GRID2: variants seen among roughly 807,000 people sequenced by gnomAD.
The protein encoded by GRID2 is glutamate ionotropic receptor delta type subunit 2.
In GRID2, 33 loss-of-function variants were observed where a neutral mutation model predicts 114.8. That is an observed-to-expected ratio of 0.29 (90% CI 0.22 to 0.38). The LOEUF (loss-of-function observed/expected upper bound fraction) is 0.38, where lower values mean the gene tolerates loss of function less well. Among genes scored for constraint, GRID2 ranks in the 10% least tolerant of loss-of-function variants. GRID2 has a pLI of 1.00. For synonymous variants in GRID2, 505 were observed against 449.9 expected, an observed-to-expected ratio of 1.12 and a Z score of -1.55; for missense variants, 1,184 against 1,257.7, an observed-to-expected ratio of 0.94 and a Z score of 0.89.
intron 1 of GRID2, among the ~76,000 whole-genome samples, chr4:92,319,131 G>C (rs571947156): frequency 1.3e-5 from 2 of 152,142 alleles, no homozygotes; most frequent in African/African-American, 4.8e-5. Context: ...AAGAAAATAT[G>C]AACAATTATT....
At chr4:93,069,361 T>C (rs547292877) in intron 2 of GRID2, among the ~76,000 whole-genome samples, 4 of 151,904 alleles carry the variant, frequency 2.6e-5, no homozygotes, top group Non-Finnish European at 5.9e-5. Context: ...AAAGCATTTC[T>C]CTGAAAAATC....
At chr4:92,995,770 G>A (rs1755160484) in intron 2 of GRID2, among the ~76,000 whole-genome samples, 1 of 152,010 alleles carries the variant, frequency 6.6e-6, no homozygotes, top group Non-Finnish European at 1.5e-5. Context: ...AACAATTATA[G>A]CATTTTCTCT....
chr4:92,638,521 G>T (rs904876946), intron 2 of GRID2, among the ~76,000 whole-genome samples: 1 of 147,994 alleles, frequency 6.8e-6, no homozygotes, highest in African/African-American at 2.5e-5. Flanking sequence ...TTAACAGTAG[G>T]TAAATGTTAG....
intron 1 of GRID2, among the ~76,000 whole-genome samples, chr4:92,356,804 T>C (rs1306505447): frequency 6.6e-6 from 1 of 151,782 alleles, no homozygotes; most frequent in Non-Finnish European, 1.5e-5. Context: ...GATTGAAATT[T>C]TACAAAAAGC....
chr4:92,961,568 CTT>C (rs1752815753), intron 2 of GRID2, among the ~76,000 whole-genome samples: 1 of 150,622 alleles, frequency 6.6e-6, no homozygotes, highest in African/African-American at 2.4e-5. Context: ...TGCTTTTTTT[CTT>C]TCTCTCTAGT....
At chr4:92,367,330 A>C (rs1019286666) in intron 1 of GRID2, among the ~76,000 whole-genome samples, 1 of 152,128 alleles carries the variant, frequency 6.6e-6, no homozygotes, top group Non-Finnish European at 1.5e-5. Flanking sequence ...ATGTACATCA[A>C]TAAAATTGCA....
At chr4:93,422,043 T>C (rs1334242226) in intron 9 of GRID2, among the ~76,000 whole-genome samples, 3 of 152,168 alleles carry the variant, frequency 2.0e-5, no homozygotes, top group Non-Finnish European at 4.4e-5. Context: ...ATGTTTCAAA[T>C]CAATCGAGCT....
chr4:93,413,611 T>C (rs1465241715), intron 9 of GRID2, among the ~76,000 whole-genome samples: 1 of 152,188 alleles, frequency 6.6e-6, no homozygotes, highest in Non-Finnish European at 1.5e-5. Flanking sequence ...AAATAGTTCT[T>C]GTTATTTTAA....
At chr4:93,488,091 C>T (rs1726592716) in intron 11 of GRID2, among the ~76,000 whole-genome samples, 2 of 151,868 alleles carry the variant, frequency 1.3e-5, no homozygotes, top group Admixed American at 1.3e-4. Context: ...AATGAATGCC[C>T]AATTAGCATT....
chr4:92,627,406 G>A (rs1730576159), intron 2 of GRID2, among the ~76,000 whole-genome samples: 1 of 152,036 alleles, frequency 6.6e-6, no homozygotes, highest in Admixed American at 6.6e-5. Context: ...AACTTAAAAT[G>A]TAGGTGTATA....
chr4:93,202,991 G>A (rs1742276907), intron 4 of GRID2, among the ~76,000 whole-genome samples: 1 of 152,030 alleles, frequency 6.6e-6, no homozygotes, highest in Admixed American at 6.6e-5. Flanking sequence ...GTGTATGTGT[G>A]TGTATAATAC....
intron 13 of GRID2, among the ~76,000 whole-genome samples, chr4:93,562,803 T>C (rs1436929594): frequency 1.3e-5 from 2 of 152,116 alleles, no homozygotes; most frequent in African/African-American, 4.8e-5. Context: ...TTTTCTCTAT[T>C]GTATTGCCTT....
At chr4:92,720,157 A>G (rs1735741498) in intron 2 of GRID2, among the ~76,000 whole-genome samples, 1 of 152,072 alleles carries the variant, frequency 6.6e-6, no homozygotes, top group Admixed American at 6.6e-5. Context: ...ATTTTACTGT[A>G]CATTAATTTT....
At chr4:92,875,811 G>A (rs1745586957) in intron 2 of GRID2, among the ~76,000 whole-genome samples, 1 of 152,044 alleles carries the variant, frequency 6.6e-6, no homozygotes, top group Non-Finnish European at 1.5e-5. Context: ...TATCTACCTA[G>A]AATAAATAAA....
chr4:93,214,452 A>G (rs1399463666), intron 5 of GRID2, among the ~76,000 whole-genome samples: 1 of 152,054 alleles, frequency 6.6e-6, no homozygotes, highest in African/African-American at 2.4e-5. Context: ...CCGTAAATAT[A>G]AAATAGCTGC....
At chr4:92,676,266 G>A (rs1299092406) in intron 2 of GRID2, among the ~76,000 whole-genome samples, 6 of 139,774 alleles carry the variant, frequency 4.3e-5, no homozygotes, top group Non-Finnish European at 6.1e-5. Flanking sequence ...CTGCAAGTCC[G>A]CCTCCCGGGT....
At chr4:93,649,166 A>G (rs575280221) in intron 14 of GRID2, among the ~76,000 whole-genome samples, 1 of 152,280 alleles carries the variant, frequency 6.6e-6, no homozygotes, top group East Asian at 1.9e-4. Context: ...ACCATATCAC[A>G]TAATTTTTAA....
At chr4:93,415,089 A>C (rs1767575394) in intron 9 of GRID2, among the ~76,000 whole-genome samples, 1 of 152,162 alleles carries the variant, frequency 6.6e-6, no homozygotes, top group Non-Finnish European at 1.5e-5. Context: ...ATATTTTAAC[A>C]GAAATATGAT....
chr4:92,962,352 C>G (rs1307849639), intron 2 of GRID2, among the ~76,000 whole-genome samples: 2 of 151,738 alleles, frequency 1.3e-5, no homozygotes, highest in Admixed American at 6.6e-5. Context: ...GATTGAGACT[C>G]GGTCTTTTAG....
Sources: allele counts gnomAD v4.1 joint callset (sites outside exome capture counted in the v4.1 genomes callset), GRCh38; gene constraint gnomAD v4.1.1; transcripts MANE v1.5; gene names NCBI Gene and HGNC (gene_info 2026-07-23, HGNC 2026-07-21).